The following DGKG variants were observed in gnomAD, a reference collection of about 807,000 sequenced individuals.
DGKG encodes diacylglycerol kinase gamma.
DGKG carries 78 observed loss-of-function variants against 105.3 expected under a neutral mutation model. The observed-to-expected ratio is 0.74, with a 90% CI of 0.62 to 0.89. The LOEUF (loss-of-function observed/expected upper bound fraction) is 0.89. DGKG is among the 40% of genes least tolerant of loss of function. DGKG has a pLI of 0.00. For synonymous variants in DGKG, 346 were observed against 367.1 expected (o/e 0.94, Z 0.66); for missense variants, 958 against 1,020.1 (o/e 0.94, Z 0.83).
chr3:186,258,240 G>A (rs918220), intron 16 of DGKG, among the ~76,000 whole-genome samples: 98,499 of 152,108 alleles, frequency 0.65, 35,771 homozygotes, highest in East Asian at 0.9. Flanking sequence ...GAGTTTTGGC[G>A]TCAATACAAA....
intron 19 of DGKG, among the ~76,000 whole-genome samples, chr3:186,245,673 G>A (rs1170258888): frequency 6.6e-6 from 1 of 152,208 alleles, no homozygotes; most frequent in Admixed American, 6.5e-5. Context: ...GGTGTGGGGT[G>A]AAGAGGAGAT....
intron 6 of DGKG, among the ~76,000 whole-genome samples, chr3:186,286,952 T>G (rs1447453654): frequency 1.3e-5 from 2 of 151,936 alleles, no homozygotes; most frequent in Non-Finnish European, 2.9e-5. Context: ...AAGAATCACT[T>G]GAACCTGGGA....
chr3:186,175,045 G>A (rs952719325), intron 22 of DGKG, among the ~76,000 whole-genome samples: 1 of 152,212 alleles, frequency 6.6e-6, no homozygotes, highest in African/African-American at 2.4e-5. Flanking sequence ...TGTGGGCCCA[G>A]CGGGCAGGAC....
At chr3:186,272,222 A>G (rs771628275) in intron 11 of DGKG, 33 bp downstream of exon 11, 1 of 1,512,100 alleles carries the variant, frequency 6.6e-7, no homozygotes, top group Admixed American at 1.7e-5. Context: ...TGGATGAGGC[A>G]TGCAGTAGAA....
intron 20 of DGKG, among the ~76,000 whole-genome samples, chr3:186,227,607 C>T (rs558284741): frequency 4.6e-5 from 7 of 152,234 alleles, no homozygotes; most frequent in Admixed American, 2.0e-4. Flanking sequence ...AGAGTTACTG[C>T]GTTTCCTGAT....
At chr3:186,190,201 T>G (rs192764800) in intron 21 of DGKG, among the ~76,000 whole-genome samples, 1 of 152,318 alleles carries the variant, frequency 6.6e-6, no homozygotes, top group East Asian at 1.9e-4. Flanking sequence ...CTCCTCCCTC[T>G]CACACTACTA....
chr3:186,279,201 A>C (rs1722719490), intron 9 of DGKG: 1 of 152,202 alleles, frequency 6.6e-6, no homozygotes, highest in Non-Finnish European at 1.5e-5. Flanking sequence ...AATCTCATGC[A>C]TTCTTCAGGG....
intron 1 of DGKG, among the ~76,000 whole-genome samples, chr3:186,331,434 G>A (rs899740772): frequency 1.2e-4 from 18 of 152,154 alleles, no homozygotes; most frequent in African/African-American, 4.1e-4. Flanking sequence ...GCATATTACT[G>A]GCATGTAGTC....
chr3:186,147,744 G>T lies in DGKG; in HGVS notation c.*2346C>A. ...ATGTCTCAATAGCCTCAATCTTGGGGATCATGGCTGAAACACATGCACGAA... is the reference window on the plus strand; with the variant it reads ...ATGTCTCAATAGCCTCAATCTTGGGTATCATGGCTGAAACACATGCACGAA... On this transcript the variant is annotated 3_prime_UTR_variant, in exon 25 of 25. Transcript: ENST00000265022. 1.0e-6 allele frequency: 1 copy of T among 985,370 alleles called. No homozygotes were observed. The highest frequency in any genetic ancestry group is 1.2e-6 in the Non-Finnish European group (1 of 829,926). The allele number at this position is 985,370 out of a possible 1,614,324, so 61.0% of individuals were successfully genotyped here.
chr3:186,333,845 G>A (rs140891400), intron 1 of DGKG, among the ~76,000 whole-genome samples: 14 of 152,248 alleles, frequency 9.2e-5, no homozygotes, highest in African/African-American at 2.6e-4. Flanking sequence ...TGATAGCGGC[G>A]TGGTATGTAC....
At chr3:186,345,171 G>C (rs1459698950) in intron 1 of DGKG, among the ~76,000 whole-genome samples, 1 of 152,006 alleles carries the variant, frequency 6.6e-6, no homozygotes, top group East Asian at 1.9e-4. Flanking sequence ...AATGATATTT[G>C]TCATGAATTG....
chr3:186,188,965 C>T lies in DGKG; in HGVS notation c.1918-586G>A, dbSNP rs905908591. 2.0e-5 allele frequency among the ~76,000 whole-genome samples: 3 copies of T among 152,148 alleles called. No individual in the cohort carries two copies. In the East Asian group the frequency reaches 5.8e-4, roughly 29 times the overall value. On this transcript the variant is annotated intron_variant, in intron 21 of 24. Transcript: ENST00000265022. ...GAGTAGCTGGGATTACAGGCACCTG[C>T]CACCATGCCTGGCTAGTTTTTGTAT...
Position 186,150,015 on chromosome 3 carries a change from C to A in DGKG, c.*75G>T. ...GTGTGTGTGTGCATGTGTGAGTGTG[C>A]ACATAAATTGTGTGTGAGTGTGCAT... On this transcript the variant is annotated 3_prime_UTR_variant, in exon 25 of 25. Transcript: ENST00000265022. 1 of 1,536,606 alleles carries A rather than the reference C, an allele frequency of 6.5e-7. No homozygotes were observed.
chr3:186,175,125 C>T (rs543512430), intron 22 of DGKG, among the ~76,000 whole-genome samples: 3 of 152,160 alleles, frequency 2.0e-5, no homozygotes, highest in East Asian at 3.9e-4. Flanking sequence ...CTCCTCAGGG[C>T]CTCAGTTTCC....
At chr3:186,266,175 C>G (rs57420784) in intron 13 of DGKG, among the ~76,000 whole-genome samples, 2 of 152,168 alleles carry the variant, frequency 1.3e-5, no homozygotes, top group Non-Finnish European at 2.9e-5. Flanking sequence ...TGTTGTGACT[C>G]CTGATACCAC....
At chr3:186,207,273 T>C (rs919625552) in intron 21 of DGKG, 5 of 158,044 alleles carry the variant, frequency 3.2e-5, no homozygotes, top group African/African-American at 9.6e-5. Flanking sequence ...ATAAGGACAT[T>C]GGATATGCCC....
rs529300141 is a variant in DGKG, at chr3:186,149,718, G to A, written c.*372C>T. 9.3e-5 allele frequency: 94 copies of A among 1,015,866 alleles called. 2 individuals are homozygous for A. The African/African-American group carries it at 1.6e-3, about 17-fold the overall frequency. The allele number at this position is 1,015,866 out of a possible 1,614,324, so 62.9% of individuals were successfully genotyped here. ...GCAGGAAACCTGCAGCCTGCTCCTC[G>A]CGAGCGTCCATGAGGAAACTTGCAG... On this transcript the variant is annotated 3_prime_UTR_variant, in exon 25 of 25. Coordinates refer to ENST00000265022, the MANE Select transcript of DGKG (RefSeq NM_001346.3).
At chr3:186,325,389 A>G (rs1725290655) in intron 1 of DGKG, among the ~76,000 whole-genome samples, 1 of 152,182 alleles carries the variant, frequency 6.6e-6, no homozygotes, top group African/African-American at 2.4e-5. Flanking sequence ...GTACCCCCTG[A>G]ATAATAGTTG....
chr3:186,219,797 G>A (rs1719474198), intron 20 of DGKG, among the ~76,000 whole-genome samples: 1 of 152,182 alleles, frequency 6.6e-6, no homozygotes, highest in African/African-American at 2.4e-5. Flanking sequence ...GTATTTTATT[G>A]TATAACTATG....
Sources: allele counts gnomAD v4.1 joint callset (sites outside exome capture counted in the v4.1 genomes callset), GRCh38; gene constraint gnomAD v4.1.1; transcripts MANE v1.5; gene names NCBI Gene and HGNC (gene_info 2026-07-23, HGNC 2026-07-21).